The following MRPL9 variants were observed in gnomAD, a reference collection of about 807,000 sequenced individuals.
MRPL9 encodes the protein large ribosomal subunit protein bL9m.
MRPL9 carries 25 observed loss-of-function variants against 27.6 expected under a neutral mutation model. That is an observed-to-expected ratio of 0.91 (90% CI 0.66 to 1.27). The LOEUF is 1.27. MRPL9 is among the 50% of genes most tolerant of loss of function. The pLI is 0.00. For synonymous variants in MRPL9, 154 were observed against 139.0 expected, an observed-to-expected ratio of 1.11 and a Z score of -0.76; for missense variants, 362 against 338.0, an observed-to-expected ratio of 1.07 and a Z score of -0.56.
At chr1:151,762,331 G>T (rs940622552) in intron 3 of MRPL9, 45 bp downstream of exon 3, 3 of 1,610,392 alleles carry the variant, frequency 1.9e-6, no homozygotes, top group Non-Finnish European at 2.5e-6. Flanking sequence ...CAAGAGAAAA[G>T]AAGTTTTATC....
At chr1:151,760,773 A>T (rs1301543824) in intron 6 of MRPL9, 43 bp downstream of exon 6, 2 of 1,503,560 alleles carry the variant, frequency 1.3e-6, no homozygotes, top group African/African-American at 2.8e-5. Context: ...AAGTGGGGGA[A>T]AAGGAGAAAG....
chr1:151,759,982 C>G lies in MRPL9; in HGVS notation c.*68G>C. 1 of 1,579,484 alleles carries G rather than the reference C, an allele frequency of 6.3e-7. No individual in the cohort carries two copies. The highest frequency in any genetic ancestry group is 1.4e-5 in the African/African-American group (1 of 73,648). On this transcript the variant is annotated 3_prime_UTR_variant, in exon 7 of 7. Transcript: ENST00000368830. ...ATTTGGTCAGAGCTGGGAGTGAGAT[C>G]AGGGTGCTTGCACATTTCTGCTCCA... is the stretch of plus-strand genomic sequence containing the variant.
In MRPL9 at chr1:151,760,566, G is replaced by A. The variant is rs1030329668; in HGVS notation, c.672+250C>T. ...CACTCCAGTCTGGGCAACAGAGTGAGACTCCAGCTCAAAAAAAAAAAAAAA... is the reference window on the plus strand; with the variant it reads ...CACTCCAGTCTGGGCAACAGAGTGAAACTCCAGCTCAAAAAAAAAAAAAAA... On this transcript the variant is annotated intron_variant, in intron 6 of 6. Coordinates refer to ENST00000368830, the MANE Select transcript of MRPL9 (RefSeq NM_031420.4). Among the ~76,000 whole-genome samples the A allele has an allele frequency of 3.9e-5, 4 of 101,600 alleles. No individual in the cohort carries two copies. In the Admixed American group the frequency reaches 5.8e-4, roughly 15 times the overall value. The allele number at this position is 101,600 out of a possible 152,430, so 66.7% of individuals were successfully genotyped here. A position where few individuals can be genotyped will look rare whatever the true frequency, so the allele number is the denominator to read the frequency against.
chr1:151,763,096 G>GC lies in MRPL9; in HGVS notation c.203dup (p.Arg69ProfsTer13), dbSNP rs748801980. 30 of 1,613,526 alleles carry GC rather than the reference G, an allele frequency of 1.9e-5. No homozygotes were observed. The highest frequency in any genetic ancestry group is 6.7e-5 in the African/African-American group (5 of 75,000). Reference sequence around the variant, plus strand: ...GTCGCCGGTGCAGGCGCGGCTTCCGGCCCTCCCCGGCCAGCGGTACCTTCC... The same window carrying GC: ...GTCGCCGGTGCAGGCGCGGCTTCCGGCCCCTCCCCGGCCAGCGGTACCTTCC... On this transcript the variant is annotated frameshift_variant, in exon 2 of 7. Transcript: ENST00000368830. LOFTEE classifies it high-confidence loss of function.
At position 151,760,091 on chromosome 1, in the gene MRPL9, G is replaced by T. The variant is rs1387935760; in HGVS notation, c.763C>A (p.Gln255Lys). 1 of 1,614,026 alleles carries T rather than the reference G, an allele frequency of 6.2e-7. No homozygotes were observed. ...TKRYKYWLAQ[Q>K]AAKAMAPTSP... is the part of the protein sequence containing the mutation. ...GTGGGGGCCATAGCCTTGGCAGCTTGCTGGGCTAACCAGTACTTATATCTT... is the reference window on the plus strand; with the variant it reads ...GTGGGGGCCATAGCCTTGGCAGCTTTCTGGGCTAACCAGTACTTATATCTT... Residue 255 changes from glutamine (Q) to lysine (K), a missense_variant, in exon 7 of 7, where the codon CAA becomes AAA. By Grantham distance (53) the Gln-to-Lys change is moderately conservative. Transcript: ENST00000368830.
chr1:151,762,040 G>A (rs1648107586), intron 4 of MRPL9, 65 bp downstream of exon 4: 3 of 1,509,732 alleles, frequency 2.0e-6, no homozygotes, highest in Non-Finnish European at 9.2e-7. Flanking sequence ...AGGGAATCAG[G>A]GAGACTCTCA....
In MRPL9 at chr1:151,762,088, T is replaced by C; in HGVS notation, c.486+17A>G. 6.2e-7 allele frequency: 1 copy of C among 1,613,826 alleles called. No homozygotes were observed. Among genetic ancestry groups the C allele is most frequent in the South Asian group, 1.1e-5 (1 of 91,074 alleles). Reference sequence around the variant, plus strand: ...TAAGTCTTGTGACAAATAAACACTTTTTATGTTTCTACTCACCGCCTCACC... The same window carrying C: ...TAAGTCTTGTGACAAATAAACACTTCTTATGTTTCTACTCACCGCCTCACC... On this transcript the variant is annotated intron_variant, in intron 4 of 6. Coordinates refer to ENST00000368830, the MANE Select transcript of MRPL9 (RefSeq NM_031420.4).
At position 151,763,331 on chromosome 1, in the gene MRPL9, T is replaced by C. The variant is rs1648206685; in HGVS notation, c.149A>G (p.Asn50Ser). The C allele has an allele frequency of 2.5e-6, 4 of 1,594,524 alleles. No homozygotes were observed. The highest frequency in any genetic ancestry group is 1.3e-5 in the African/African-American group (1 of 74,336). ...TACCCCAGACTCAGCCCTCACCCGA[T>C]TTTGAGAAAGGCTGAAGTTGCAGGC... Reference protein sequence around the residue: ...DLACNFSLSQNRGTVIVERWW... With the variant: ...DLACNFSLSQSRGTVIVERWW... The change falls in exon 1 of 7, where the codon AAT becomes AGT. Residue 50 changes from asparagine (N) to serine (S), a missense_variant. Asn to Ser is a conservative substitution (Grantham distance 46, BLOSUM62 1). Transcript: ENST00000368830.
In MRPL9 at chr1:151,759,837, G is replaced by A; in HGVS notation, c.*213C>T. 3.6e-6 allele frequency: 2 copies of A among 553,496 alleles called. No individual in the cohort carries two copies. Among genetic ancestry groups the A allele is most frequent in the East Asian group, 3.5e-5 (1 of 28,266 alleles). 34.3% of individuals were successfully genotyped at this position (553,496 alleles called of 1,614,324 possible). ...ATCTAGCTTATCAAATCTACAGCCT[G>A]GTACTTCTGGAACAGGACTTCCCTG... On this transcript the variant is annotated 3_prime_UTR_variant, in exon 7 of 7. Transcript: ENST00000368830.
At chr1:151,762,191 G>A in intron 3 of MRPL9, 36 bp from the exon 4 acceptor site, 1 of 1,609,364 alleles carries the variant, frequency 6.2e-7, no homozygotes, top group Non-Finnish European at 8.5e-7. Context: ...AGCAGTAAAA[G>A]AAAAATGAGC....
At chr1:151,762,209 A>AAAT in intron 3 of MRPL9, 54 bp from the exon 4 acceptor site, 1 of 1,589,434 alleles carries the variant, frequency 6.3e-7, no homozygotes, top group Non-Finnish European at 8.6e-7. Flanking sequence ...AGCCCATGTT[A>AAAT]AATAGCATCA....
At chr1:151,760,280 G>A in intron 6 of MRPL9, 99 bp from the exon 7 acceptor site, 1 of 1,490,742 alleles carries the variant, frequency 6.7e-7, no homozygotes, top group Non-Finnish European at 9.2e-7. Flanking sequence ...CTCCCAGTCA[G>A]AAAAAGGAGA....
At chr1:151,760,926 A>AAAAAAAAAAAAAAAAACC (rs57922119) in intron 5 of MRPL9, 27 bp from the exon 6 acceptor site, 1 of 1,417,676 alleles carries the variant, frequency 7.1e-7, no homozygotes, top group Non-Finnish European at 9.6e-7. Context: ...AAAAAAAAAA[A>AAAAAAAAAAAAAAAAACC]TCTCAGCTCA....
intron 4 of MRPL9, among the ~76,000 whole-genome samples, chr1:151,761,755 C>CAGTT (rs1648093675): frequency 6.6e-6 from 1 of 152,142 alleles, no homozygotes; most frequent in African/African-American, 2.4e-5. Flanking sequence ...AAAAATACAA[C>CAGTT]AGTTAGCCGG....
In MRPL9 at chr1:151,760,806, A is replaced by G. The variant is rs755785195; in HGVS notation, c.672+10T>C. 11 of 1,565,332 alleles carry G rather than the reference A, an allele frequency of 7.0e-6. No homozygotes were observed. The highest frequency in any genetic ancestry group is 1.2e-5 in the South Asian group (1 of 83,636). On this transcript the variant is annotated intron_variant, in intron 6 of 6. Coordinates refer to ENST00000368830, the MANE Select transcript of MRPL9 (RefSeq NM_031420.4). ...AAGAAAAGAAAAAAGAAAGTATGCA[A>G]AACACTCACCGTCACCTCACACCAA...
intron 3 of MRPL9, 75 bp from the exon 4 acceptor site, chr1:151,762,230 A>G (rs1157740879): frequency 1.9e-6 from 3 of 1,567,518 alleles, no homozygotes; most frequent in African/African-American, 1.4e-5. Context: ...AACTATTCCT[A>G]TGTTGGACAT....
intron 5 of MRPL9, 86 bp downstream of exon 5, chr1:151,761,365 C>G (rs2101541157): frequency 1.1e-6 from 1 of 925,464 alleles, no homozygotes; most frequent in Non-Finnish European, 1.8e-6. Flanking sequence ...CACACCCCTT[C>G]CTAACAAAGG....
chr1:151,760,107 C>CTT lies in MRPL9; in HGVS notation c.745_746dup (p.Tyr250SerfsTer4). 1.2e-6 allele frequency: 2 copies of CTT among 1,614,160 alleles called. No homozygotes were observed. Among genetic ancestry groups the CTT allele is most frequent in the Admixed American group, 3.3e-5 (2 of 60,018 alleles). Reference sequence around the variant, plus strand: ...TGGCAGCTTGCTGGGCTAACCAGTACTTATATCTTTTGGTCTTGGGCTTCT... The same window carrying CTT: ...TGGCAGCTTGCTGGGCTAACCAGTACTTTTATATCTTTTGGTCTTGGGCTTCT... On this transcript the variant is annotated frameshift_variant, in exon 7 of 7. Coordinates refer to ENST00000368830, the MANE Select transcript of MRPL9 (RefSeq NM_031420.4). LOFTEE classifies it low-confidence loss of function (END_TRUNC).
intron 5 of MRPL9, 133 bp downstream of exon 5, chr1:151,761,318 T>C: frequency 1.4e-6 from 1 of 696,076 alleles, no homozygotes. Flanking sequence ...TCCTGCAAAC[T>C]AACCAAGAAT....
Sources: gnomAD v4.1 joint callset for allele counts (sites outside exome capture counted in the v4.1 genomes callset) on GRCh38, gnomAD v4.1.1 for gene constraint, MANE v1.5 for transcripts, NCBI Gene and HGNC (gene_info 2026-07-23, HGNC 2026-07-21) for gene names.